Variants in DOCK3 observed in about 807,000 individuals in gnomAD.
DOCK3 encodes the protein dedicator of cytokinesis protein 3.
DOCK3 carries 60 observed loss-of-function variants against 265.6 expected under a neutral mutation model. That is an observed-to-expected ratio of 0.23 (90% CI 0.18 to 0.28). The LOEUF is 0.28. DOCK3 is among the 10% of genes least tolerant of loss of function. The pLI is 1.00. For missense variants in DOCK3, 1,981 were observed against 2,594.3 expected (o/e 0.76, Z 5.14); for synonymous variants, 881 against 938.0 (o/e 0.94, Z 1.11).
At chr3:51,329,740 A>G (rs963489619) in intron 32 of DOCK3, among the ~76,000 whole-genome samples, 2 of 152,200 alleles carry the variant, frequency 1.3e-5, no homozygotes, top group Non-Finnish European at 2.9e-5. Context: ...CTGGCTGACT[A>G]CAGGGTAAAG....
At chr3:51,325,041 T>C (rs1289079962) in intron 32 of DOCK3, among the ~76,000 whole-genome samples, 2 of 151,904 alleles carry the variant, frequency 1.3e-5, no homozygotes, top group Non-Finnish European at 2.9e-5. Context: ...CCAAAAGCAA[T>C]AGCAACAAAA....
At chr3:51,008,671 A>G (rs750320704) in intron 5 of DOCK3, among the ~76,000 whole-genome samples, 2 of 152,150 alleles carry the variant, frequency 1.3e-5, no homozygotes, top group Non-Finnish European at 2.9e-5. Flanking sequence ...TATGTTGACT[A>G]GAGAGGGCAT....
intron 1 of DOCK3, among the ~76,000 whole-genome samples, chr3:50,698,374 A>G (rs2035772632): frequency 6.6e-6 from 1 of 152,022 alleles, no homozygotes; most frequent in Non-Finnish European, 1.5e-5. Flanking sequence ...TGGCTGAATA[A>G]TATTCTATTA....
At chr3:51,244,213 T>TG (rs1335352778) in intron 21 of DOCK3, among the ~76,000 whole-genome samples, 1 of 56,798 alleles carries the variant, frequency 1.8e-5, no homozygotes, top group Non-Finnish European at 4.5e-5. Context: ...CATATTAGGA[T>TG]GGATTTTTTT....
chr3:51,101,213 C>T (rs1007224220), intron 9 of DOCK3, among the ~76,000 whole-genome samples: 3 of 149,830 alleles, frequency 2.0e-5, no homozygotes, highest in Non-Finnish European at 3.0e-5. Context: ...CTCCGCTTCC[C>T]GGGTTCACGC....
At chr3:51,071,403 C>T (rs1369414065) in intron 6 of DOCK3, among the ~76,000 whole-genome samples, 1 of 152,166 alleles carries the variant, frequency 6.6e-6, no homozygotes, top group East Asian at 1.9e-4. Context: ...TAGCTCTGTG[C>T]TACATCTGTA....
intron 35 of DOCK3, chr3:51,336,922 C>T: frequency 2.2e-6 from 1 of 455,910 alleles, no homozygotes; most frequent in Non-Finnish European, 4.4e-6. Flanking sequence ...ATGGGGCCAA[C>T]TTACTGGGGA....
chr3:50,990,539 A>C (rs2078066914), intron 5 of DOCK3, among the ~76,000 whole-genome samples: 1 of 152,190 alleles, frequency 6.6e-6, no homozygotes, highest in Non-Finnish European at 1.5e-5. Flanking sequence ...TTCAACTAAG[A>C]ATTTTATATC....
intron 38 of DOCK3, among the ~76,000 whole-genome samples, chr3:51,347,725 TG>T (rs1299361669): frequency 2.0e-5 from 3 of 152,226 alleles, no homozygotes; most frequent in African/African-American, 4.8e-5. Flanking sequence ...TAAATTACCT[TG>T]GGCAGTATGG....
intron 4 of DOCK3, among the ~76,000 whole-genome samples, chr3:50,905,582 G>A (rs1385565507): frequency 2.0e-5 from 3 of 151,912 alleles, no homozygotes; most frequent in Non-Finnish European, 4.4e-5. Flanking sequence ...TTGGTGTAGA[G>A]GAATGCTTGT....
chr3:50,703,318 G>A (rs1465899650), intron 1 of DOCK3, among the ~76,000 whole-genome samples: 1 of 151,700 alleles, frequency 6.6e-6, no homozygotes, highest in Non-Finnish European at 1.5e-5. Context: ...TTTTTTTCTT[G>A]TGTCTTTGTA....
intron 9 of DOCK3, among the ~76,000 whole-genome samples, chr3:51,134,490 TAATC>T (rs2084705352): frequency 6.6e-6 from 1 of 152,224 alleles, no homozygotes; most frequent in South Asian, 2.1e-4. Context: ...TGCTTGTTCT[TAATC>T]AAGCAAATCA....
In DOCK3 at chr3:50,675,324, G is replaced by A. The variant is rs1350939594; in HGVS notation, c.37+24G>A. ...AGGTAGGTGAGGCTCAGGCCTGGCCGTGGCGGGGGTTCTGGGGGACGCGCC... is the reference window on the plus strand; with the variant it reads ...AGGTAGGTGAGGCTCAGGCCTGGCCATGGCGGGGGTTCTGGGGGACGCGCC... On this transcript the variant is annotated intron_variant, in intron 1 of 52. Coordinates refer to ENST00000266037, the MANE Select transcript of DOCK3 (RefSeq NM_004947.5). This position sits in a 1 kb window ranked among gnomAD's most constrained non-coding sequence, Gnocchi z 6.1. 1.6e-6 allele frequency: 2 copies of A among 1,241,926 alleles called. No homozygotes were observed. The highest frequency in any genetic ancestry group is 3.0e-5 in the South Asian group (1 of 33,050). 76.9% of individuals were successfully genotyped at this position (1,241,926 alleles called of 1,614,324 possible). A position where few individuals can be genotyped will look rare whatever the true frequency, so the allele number is the denominator to read the frequency against.
rs1468679911 is a variant in DOCK3 at position 51,383,674 on chromosome 3, C to T, written c.*2115C>T. The T allele has an allele frequency of 6.6e-6, 1 of 152,458 alleles. No individual in the cohort carries two copies. Among genetic ancestry groups the T allele is most frequent in the Non-Finnish European group, 1.5e-5 (1 of 68,042 alleles). 9.4% of individuals were successfully genotyped at this position (152,458 alleles called of 1,614,324 possible). A position where few individuals can be genotyped will look rare whatever the true frequency, so the allele number is the denominator to read the frequency against. Reference sequence around the variant, plus strand: ...TTTCCCTAACTAAATGAAAAGGACACATTCTGAAATCCCTTTTGTTGGAGA... The same window carrying T: ...TTTCCCTAACTAAATGAAAAGGACATATTCTGAAATCCCTTTTGTTGGAGA... On this transcript the variant is annotated 3_prime_UTR_variant, in exon 53 of 53. Coordinates refer to ENST00000266037, the MANE Select transcript of DOCK3 (RefSeq NM_004947.5).
chr3:51,095,990 A>G (rs2082841958), intron 9 of DOCK3, among the ~76,000 whole-genome samples: 1 of 146,500 alleles, frequency 6.8e-6, no homozygotes, highest in South Asian at 2.2e-4. Context: ...ATCCACTGTT[A>G]GTCTGATGGG....
At chr3:51,309,037 A>C (rs1488189520) in intron 27 of DOCK3, among the ~76,000 whole-genome samples, 1 of 151,624 alleles carries the variant, frequency 6.6e-6, no homozygotes, top group African/African-American at 2.4e-5. Flanking sequence ...GTGGCCGGGC[A>C]GAGACGCTTC....
chr3:51,281,305 A>C (rs923056299), intron 27 of DOCK3, among the ~76,000 whole-genome samples: 35 of 132,758 alleles, frequency 2.6e-4, no homozygotes, highest in South Asian at 7.5e-4. Context: ...ATATATATAT[A>C]TCTCATAATA....
chr3:50,964,827 C>T (rs1289553279), intron 5 of DOCK3, among the ~76,000 whole-genome samples: 1 of 151,920 alleles, frequency 6.6e-6, no homozygotes, highest in Admixed American at 6.6e-5. Flanking sequence ...AATGAACACA[C>T]TATAATCAGT....
rs113381650 is a variant in DOCK3 at position 50,845,793 on chromosome 3, C to A, written c.162+4078C>A. ...GCAGAGGTTCAAGCGATTGAACCTCCTTGAATATTTAAGGTAAATATTGAA... is the reference window on the plus strand; with the variant it reads ...GCAGAGGTTCAAGCGATTGAACCTCATTGAATATTTAAGGTAAATATTGAA... On this transcript the variant is annotated intron_variant, in intron 3 of 52. Coordinates refer to ENST00000266037, the MANE Select transcript of DOCK3 (RefSeq NM_004947.5). Among the ~76,000 whole-genome samples the A allele has an allele frequency of 2.8e-3, 422 of 152,184 alleles. 2 individuals are homozygous for A. Among genetic ancestry groups the A allele is most frequent in the African/African-American group, 9.8e-3 (405 of 41,522 alleles).
Sources: allele counts gnomAD v4.1 joint callset (sites outside exome capture counted in the v4.1 genomes callset), GRCh38; gene constraint gnomAD v4.1.1; non-coding constraint Gnocchi (gnomAD v3.1); transcripts MANE v1.5; gene names NCBI Gene and HGNC (gene_info 2026-07-23, HGNC 2026-07-21).